Variants in DYNC1H1 observed in about 807,000 individuals in gnomAD.
DYNC1H1 encodes the protein cytoplasmic dynein 1 heavy chain 1.
In DYNC1H1, 51 loss-of-function variants were observed where a neutral mutation model predicts 527.1. That is an observed-to-expected ratio of 0.10 (90% CI 0.08 to 0.12). DYNC1H1 has a LOEUF of 0.12. Among genes scored for constraint, DYNC1H1 ranks in the 10% least tolerant of loss-of-function variants. The pLI, the probability that DYNC1H1 is intolerant of heterozygous loss-of-function variation, is 1.00. For missense variants in DYNC1H1, 2,771 were observed against 5,971.8 expected (o/e 0.46, Z 17.66); for synonymous variants, 2,189 against 2,278.8 (o/e 0.96, Z 1.12).
Position 102,015,319 on chromosome 14 carries a change from C to T in DYNC1H1, c.7229C>T (p.Ser2410Phe). Residue 2410 changes from serine (S) to phenylalanine (F), a missense_variant, in exon 35 of 78, where the codon TCC becomes TTC. By Grantham distance (155) the Ser-to-Phe change is radical. Transcript: ENST00000360184. This position sits in a 1 kb window ranked among gnomAD's most constrained non-coding sequence, Gnocchi z 6.9. ...GAGGATGAGGGGGAGGAGGCCGCTT[C>T]CCCCATGCTGCAGGTACGCCCAGGT... ...GKEDEGEEAA[S>F]PMLQIQRDAA... 6.2e-7 allele frequency: 1 copy of T among 1,612,600 alleles called. No homozygotes were observed. Among genetic ancestry groups the T allele is most frequent in the Non-Finnish European group, 8.5e-7 (1 of 1,179,142 alleles).
Position 102,017,571 on chromosome 14 carries a change from G to GTTGT in DYNC1H1, c.8177+67_8177+68insTTGT, listed in dbSNP as rs1045561326. On this transcript the variant is annotated intron_variant, in intron 40 of 77. Coordinates refer to ENST00000360184, the MANE Select transcript of DYNC1H1 (RefSeq NM_001376.5). The surrounding 1 kb of genome is among the most constrained non-coding windows in gnomAD (Gnocchi z 4.6). ...GCTCCAGGATTGCTGTAAACACAGCGCCACAAAAACCTGGTTTTGATAATA... is the reference window on the plus strand; with the variant it reads ...GCTCCAGGATTGCTGTAAACACAGCGTTGTCCACAAAAACCTGGTTTTGATAATA... The GTTGT allele has an allele frequency of 2.4e-5, 39 of 1,613,622 alleles. No individual in the cohort carries two copies. The African/African-American group carries it at 5.2e-4, about 22-fold the overall frequency.
rs199935313 is a variant in DYNC1H1 at position 102,053,756 on chromosome 14, T to TTTTGG, written c.*3196_*3197insGGTTT. ...CACACTCGGCCTCTTTGTTTGTTTT[T>TTTTGG]TTTTTTTTTTGAGACAGTCTGGCTC... On this transcript the variant is annotated 3_prime_UTR_variant, in exon 78 of 78. Coordinates refer to ENST00000360184, the MANE Select transcript of DYNC1H1 (RefSeq NM_001376.5). 7.2e-5 allele frequency: 9 copies of TTTTGG among 124,442 alleles called. No individual in the cohort carries two copies. The East Asian group carries it at 2.6e-3, about 36-fold the overall frequency. 7.7% of individuals were successfully genotyped at this position (124,442 alleles called of 1,614,324 possible). A position where few individuals can be genotyped will look rare whatever the true frequency, so the allele number is the denominator to read the frequency against.
Position 102,002,347 on chromosome 14 carries a change from G to A in DYNC1H1, c.4543-190G>A, listed in dbSNP as rs79171660. Among the ~76,000 whole-genome samples, 2 of 152,148 alleles carry A rather than the reference G, an allele frequency of 1.3e-5. No individual in the cohort carries two copies. Among genetic ancestry groups the A allele is most frequent in the African/African-American group, 2.4e-5 (1 of 41,426 alleles). ...GCTGGTCTCAAACTTCTGACTTCAA[G>A]TGATCCACCCGCCTCGGCCTCCCAA... On this transcript the variant is annotated intron_variant, in intron 21 of 77. Coordinates refer to ENST00000360184, the MANE Select transcript of DYNC1H1 (RefSeq NM_001376.5). This position sits in a 1 kb window ranked among gnomAD's most constrained non-coding sequence, Gnocchi z 4.4.
intron 43 of DYNC1H1, chr14:102,023,082 G>A (rs2048405340): frequency 2.6e-6 from 2 of 783,734 alleles, no homozygotes; most frequent in Admixed American, 4.4e-5. Flanking sequence ...GGGCAACATA[G>A]TAAGACTCCA....
chr14:102,040,113 G>T lies in DYNC1H1; in HGVS notation c.11691-123G>T. The T allele has an allele frequency of 2.2e-6, 3 of 1,362,250 alleles. No homozygotes were observed. The East Asian group carries it at 6.9e-5, about 31-fold the overall frequency. The allele number at this position is 1,362,250 out of a possible 1,614,324, so 84.4% of individuals were successfully genotyped here. ...GCCCACCTCGGCCTCCCAGAGTGCT[G>T]AGATTATAGGCCTGAGCCACTGTGC... On this transcript the variant is annotated intron_variant, in intron 62 of 77. Transcript: ENST00000360184.
intron 5 of DYNC1H1, 112 bp from the exon 6 acceptor site, chr14:101,982,907 G>T: frequency 7.8e-7 from 1 of 1,276,310 alleles, no homozygotes; most frequent in Non-Finnish European, 1.1e-6. Context: ...AATAGTTTTT[G>T]TCTCGCTAGA....
At position 102,006,106 on chromosome 14, in the gene DYNC1H1, C is replaced by T. The variant is rs17512313; in HGVS notation, c.5652C>T (p.Leu1884=). ...AGGACAAACTGGTCCAGACCCCCCT[C>T]ACTGACCGCTGCTATTTGACAATGA... The part of the protein sequence containing the change: ...GVQDKLVQTP[L]TDRCYLTMTQ... The change falls in exon 27 of 78, where the codon CTC becomes CTT. Residue 1884 remains leucine, a synonymous_variant. Transcript: ENST00000360184. 1.9e-6 allele frequency: 3 copies of T among 1,614,228 alleles called. No homozygotes were observed. Among genetic ancestry groups the T allele is most frequent in the African/African-American group, 2.7e-5 (2 of 75,068 alleles).
chr14:101,979,089 T>C lies in DYNC1H1; in HGVS notation c.345-230T>C, dbSNP rs1437492261. ...AGGGCAGGTTAGTTTTAGGCCAATA[T>C]TACGAATTCAACCCATGTATGAGAC... On this transcript the variant is annotated intron_variant, in intron 2 of 77. Transcript: ENST00000360184. The surrounding 1 kb of genome is among the most constrained non-coding windows in gnomAD (Gnocchi z 4.6). 1.3e-5 allele frequency among the ~76,000 whole-genome samples: 2 copies of C among 152,212 alleles called. No homozygotes were observed.
chr14:101,996,089 C>T (rs1210466188), intron 15 of DYNC1H1, among the ~76,000 whole-genome samples: 2 of 151,678 alleles, frequency 1.3e-5, no homozygotes, highest in Non-Finnish European at 2.9e-5. Context: ...TAATGAAAAA[C>T]TCAGTGCAGA....
rs1057524432 is a variant in DYNC1H1, at chr14:101,995,269, G to A, written c.3533G>A (p.Arg1178Gln). The change falls in exon 15 of 78, where the codon CGG (arginine) becomes CAG (glutamine). Residue 1178 changes from arginine (R) to glutamine (Q), a missense_variant. Physicochemically the swap from Arg to Gln is conservative, Grantham distance 43 (BLOSUM62 1). Transcript: ENST00000360184. ...TFITYVQSLK[R>Q]KIKQFEKQVE... ...ATCACCTATGTGCAGTCTTTGAAACGGAAGATCAAGCAGTTTGAGAAGCAA... is the reference window on the plus strand; with the variant it reads ...ATCACCTATGTGCAGTCTTTGAAACAGAAGATCAAGCAGTTTGAGAAGCAA... 4 of 1,614,186 alleles carry A rather than the reference G, an allele frequency of 2.5e-6. No homozygotes were observed. The highest frequency in any genetic ancestry group is 3.4e-6 in the Non-Finnish European group (4 of 1,180,040).
In DYNC1H1 at chr14:101,979,952, G is replaced by A. The variant is rs794727634; in HGVS notation, c.752G>A (p.Arg251His). 6.2e-7 allele frequency: 1 copy of A among 1,614,202 alleles called. No individual in the cohort carries two copies. Among genetic ancestry groups the A allele is most frequent in the Non-Finnish European group, 8.5e-7 (1 of 1,180,040 alleles). ...AATCAGTTACAATCTGGAGTTAACC[G>A]CTGGATCCGAGAAATTCAAAAAGTA... ...FLNQLQSGVN[R>H]WIREIQKVTK... Residue 251 changes from arginine (R) to histidine (H), a missense_variant, in exon 4 of 78, where the codon CGC becomes CAC. Physicochemically the swap from Arg to His is conservative, Grantham distance 29. Transcript: ENST00000360184. This position sits in a 1 kb window ranked among gnomAD's most constrained non-coding sequence, Gnocchi z 4.6.
rs1393406334 is a variant in DYNC1H1, at chr14:102,010,968, T to C, written c.6618+16T>C. 1 of 1,614,088 alleles carries C rather than the reference T, an allele frequency of 6.2e-7. No individual in the cohort carries two copies. The highest frequency in any genetic ancestry group is 8.5e-7 in the Non-Finnish European group (1 of 1,179,942). ...GGTTGAAAAGGTAACTTGGATTGTT[T>C]CACTGGCCACTGCCCTCACAGACCC... On this transcript the variant is annotated intron_variant, in intron 32 of 77. Transcript: ENST00000360184. The surrounding 1 kb of genome is among the most constrained non-coding windows in gnomAD (Gnocchi z 6.0).
Position 102,044,451 on chromosome 14 carries a change from G to T in DYNC1H1, c.12862G>T (p.Val4288Phe). 6.2e-7 allele frequency: 1 copy of T among 1,614,228 alleles called. No individual in the cohort carries two copies. ...CAGTGAGTTTAAGCTGGCATGCAAG[G>T]TCGACGGACATAAAGACATTCAAAT... ...FDSEFKLACK[V>F]DGHKDIQMPD... is the part of the protein sequence containing the mutation. The change falls in exon 71 of 78, where the codon GTC (valine) becomes TTC (phenylalanine). Residue 4288 changes from valine (V) to phenylalanine (F), a missense_variant. Coordinates refer to ENST00000360184, the MANE Select transcript of DYNC1H1 (RefSeq NM_001376.5). This position sits in a 1 kb window ranked among gnomAD's most constrained non-coding sequence, Gnocchi z 7.1.
Position 102,009,871 on chromosome 14 carries a change from G to A in DYNC1H1, c.6006G>A (p.Leu2002=), listed in dbSNP as rs758559434. 1 of 1,613,694 alleles carries A rather than the reference G, an allele frequency of 6.2e-7. No homozygotes were observed. The highest frequency in any genetic ancestry group is 1.3e-5 in the African/African-American group (1 of 74,798). The change falls in exon 30 of 78, where the codon CTG becomes CTA. Residue 2002 remains leucine (L), a synonymous_variant. Coordinates refer to ENST00000360184, the MANE Select transcript of DYNC1H1 (RefSeq NM_001376.5). ...CTGCCCCCATTACTTGTGAGCTGCT[G>A]AACAAACAAGTCAAGGTGAGCCCGG... ...KTSAPITCEL[L]NKQVKVSPDM... is the part of the protein sequence containing the mutation.
In DYNC1H1 at chr14:102,010,251, A is replaced by G. The variant is rs368302738; in HGVS notation, c.6222-25A>G. 1 of 1,613,714 alleles carries G rather than the reference A, an allele frequency of 6.2e-7. No individual in the cohort carries two copies. The highest frequency in any genetic ancestry group is 8.5e-7 in the Non-Finnish European group (1 of 1,179,988). On this transcript the variant is annotated intron_variant, in intron 30 of 77. Transcript: ENST00000360184. This position sits in a 1 kb window ranked among gnomAD's most constrained non-coding sequence, Gnocchi z 6.0. ...TGCTTAAAGTATACTGTTATTAAAG[A>G]TAGCCTTTTTTTCTTCTTTTCTAGA...
chr14:101,996,124 T>C (rs368800056), intron 15 of DYNC1H1, among the ~76,000 whole-genome samples: 1 of 151,810 alleles, frequency 6.6e-6, no homozygotes, highest in Non-Finnish European at 1.5e-5. Context: ...GTTTTTCTTT[T>C]CTTTTCTTTT....
intron 7 of DYNC1H1, among the ~76,000 whole-genome samples, chr14:101,984,957 A>AC (rs1193185504): frequency 1.4e-5 from 2 of 146,600 alleles, no homozygotes; most frequent in Admixed American, 1.4e-4. Flanking sequence ...AAAAAAAAAA[A>AC]GGAAAAGAAA....
rs1289916492 is a variant in DYNC1H1 at position 102,044,000 on chromosome 14, G to A, written c.12639G>A (p.Arg4213=). 2 of 1,614,086 alleles carry A rather than the reference G, an allele frequency of 1.2e-6. No homozygotes were observed. The highest frequency in any genetic ancestry group is 1.7e-6 in the Non-Finnish European group (2 of 1,180,050). The change falls in exon 70 of 78, where the codon CGG becomes CGA. Residue 4213 remains arginine, a synonymous_variant. Transcript: ENST00000360184. ...ATGAATTTGGAGAGTCTGACCTGCG[G>A]TCAGCTTGCGATACGGTGGACACGT... is the stretch of plus-strand genomic sequence containing the variant. ...KKYEFGESDL[R]SACDTVDTWL... is the part of the protein sequence containing the mutation.
intron 18 of DYNC1H1, chr14:102,000,716 A>G: frequency 2.0e-6 from 1 of 511,468 alleles, no homozygotes; most frequent in Non-Finnish European, 3.5e-6. Context: ...CTGGGATTAC[A>G]GGCATGTGCC....
Sources: gnomAD v4.1 joint callset for allele counts (sites outside exome capture counted in the v4.1 genomes callset) on GRCh38, gnomAD v4.1.1 for gene constraint, Gnocchi (gnomAD v3.1) non-coding constraint, MANE v1.5 for transcripts, NCBI Gene and HGNC (gene_info 2026-07-23, HGNC 2026-07-21) for gene names.